PDE8A: variants seen among roughly 807,000 people sequenced by gnomAD.
The protein encoded by PDE8A is high affinity cAMP-specific and IBMX-insensitive 3',5'-cyclic phosphodiesterase 8A.
A neutral mutation model predicts 105.0 loss-of-function variants in PDE8A; 59 were observed. The observed-to-expected ratio is 0.56, with a 90% CI of 0.46 to 0.70. The LOEUF is 0.70. Among genes scored for constraint, PDE8A ranks in the 30% least tolerant of loss-of-function variants. The pLI is 0.00. For synonymous variants in PDE8A, 355 were observed against 371.9 expected, an observed-to-expected ratio of 0.95 and a Z score of 0.52; for missense variants, 1,014 against 1,045.9, an observed-to-expected ratio of 0.97 and a Z score of 0.42.
At chr15:85,057,527 A>G (rs907660357) in intron 1 of PDE8A, among the ~76,000 whole-genome samples, 5 of 152,048 alleles carry the variant, frequency 3.3e-5, no homozygotes, top group East Asian at 1.9e-4. Context: ...CTCATGCTCC[A>G]TGGGCTGCAC....
chr15:85,074,610 A>G (rs1480296147), intron 3 of PDE8A, among the ~76,000 whole-genome samples: 1 of 152,220 alleles, frequency 6.6e-6, no homozygotes, highest in African/African-American at 2.4e-5. Context: ...CCAGGAGGTC[A>G]AGACTGCAGT....
intron 18 of PDE8A, 150 bp from the exon 19 acceptor site, chr15:85,122,911 A>G (rs2082203508): frequency 2.5e-6 from 2 of 793,448 alleles, no homozygotes; most frequent in Admixed American, 2.5e-5. Flanking sequence ...CCTAACTTCC[A>G]TGTCTTTTTA....
chr15:85,059,871 G>T (rs2141439995), intron 1 of PDE8A, among the ~76,000 whole-genome samples: 1 of 152,250 alleles, frequency 6.6e-6, no homozygotes, highest in South Asian at 2.1e-4. Flanking sequence ...AACCAGATGA[G>T]GTGGCATATA....
chr15:84,982,301 G>A lies in PDE8A; in HGVS notation c.139G>A (p.Gly47Ser). Residue 47 changes from glycine to serine, a missense_variant, in exon 1 of 22, where the codon GGC (glycine) becomes AGC (serine). Coordinates refer to ENST00000394553, the MANE Select transcript of PDE8A (RefSeq NM_002605.3). ...QKTAALPRTR[G>S]AGLLESELRD... is the part of the protein sequence containing the mutation. ...GACGGCCGCCTTGCCCCGGACCCGC[G>A]GCGCCGGCCTCTTGGAGTCGGAGCT... The A allele has an allele frequency of 7.3e-7, 1 of 1,370,026 alleles. No individual in the cohort carries two copies. The highest frequency in any genetic ancestry group is 9.3e-7 in the Non-Finnish European group (1 of 1,071,114). The allele number at this position is 1,370,026 out of a possible 1,614,324, so 84.9% of individuals were successfully genotyped here.
At position 85,009,268 on chromosome 15, in the gene PDE8A, A is replaced by G. The variant is rs145939444; in HGVS notation, c.186+26920A>G. 2.8e-3 allele frequency among the ~76,000 whole-genome samples: 425 copies of G among 152,270 alleles called. 3 individuals are homozygous for G. The highest frequency in any genetic ancestry group is 5.8e-3 in the Admixed American group (89 of 15,296). On this transcript the variant is annotated intron_variant, in intron 1 of 21. Coordinates refer to ENST00000394553, the MANE Select transcript of PDE8A (RefSeq NM_002605.3). ...ATGGAGACAATTTTAGTTCTCTTCT[A>G]CCTGTTAATGTAAGAGATGTAAAAA...
At chr15:85,084,894 A>G (rs1361616557) in intron 6 of PDE8A, among the ~76,000 whole-genome samples, 3 of 151,094 alleles carry the variant, frequency 2.0e-5, no homozygotes, top group South Asian at 2.1e-4. Context: ...CCAGTCACTG[A>G]CCAAGTCCAA....
chr15:85,122,813 G>A (rs940352366), intron 18 of PDE8A, among the ~76,000 whole-genome samples: 1 of 152,152 alleles, frequency 6.6e-6, no homozygotes, highest in Non-Finnish European at 1.5e-5. Context: ...TCATTGACAA[G>A]ATAAACACTG....
chr15:84,994,267 C>T (rs933844868), intron 1 of PDE8A, among the ~76,000 whole-genome samples: 10 of 152,196 alleles, frequency 6.6e-5, no homozygotes, highest in African/African-American at 2.4e-4. Context: ...TTCCTTATCT[C>T]TTTGAGGATA....
At chr15:85,045,104 A>G (rs914511982) in intron 1 of PDE8A, among the ~76,000 whole-genome samples, 1 of 151,934 alleles carries the variant, frequency 6.6e-6, no homozygotes, top group Non-Finnish European at 1.5e-5. Flanking sequence ...CACCTCTTGC[A>G]TGGTTGGCTA....
chr15:85,046,149 T>C (rs2080884470), intron 1 of PDE8A, among the ~76,000 whole-genome samples: 1 of 148,038 alleles, frequency 6.8e-6, no homozygotes, highest in Admixed American at 6.8e-5. Context: ...CTCAGTGCAA[T>C]CTCTGCCTCC....
At chr15:85,006,995 A>G (rs988819719) in intron 1 of PDE8A, among the ~76,000 whole-genome samples, 2 of 152,152 alleles carry the variant, frequency 1.3e-5, no homozygotes, top group African/African-American at 4.8e-5. Flanking sequence ...GCATTTAATT[A>G]CCATTCTGCA....
At chr15:85,014,624 T>A (rs1433369857) in intron 1 of PDE8A, among the ~76,000 whole-genome samples, 1 of 152,204 alleles carries the variant, frequency 6.6e-6, no homozygotes, top group Non-Finnish European at 1.5e-5. Flanking sequence ...TTGCTCTTAT[T>A]ACCTATATTG....
At chr15:85,078,846 TGAGAG>T (rs1190118797) in intron 5 of PDE8A, among the ~76,000 whole-genome samples, 1 of 152,192 alleles carries the variant, frequency 6.6e-6, no homozygotes, top group African/African-American at 2.4e-5. Flanking sequence ...TCTAGTTTGA[TGAGAG>T]GATACAGGGA....
chr15:85,126,655 C>T (rs2082263423), intron 20 of PDE8A, among the ~76,000 whole-genome samples: 1 of 151,354 alleles, frequency 6.6e-6, no homozygotes, highest in South Asian at 2.1e-4. Context: ...CATATTCTTT[C>T]TGAGTAGAAA....
intron 1 of PDE8A, among the ~76,000 whole-genome samples, chr15:85,011,340 C>T (rs868079357): frequency 2.6e-5 from 4 of 152,130 alleles, no homozygotes; most frequent in Non-Finnish European, 1.5e-5. Context: ...TGTTAGAAGA[C>T]AGGTTTGGAG....
At chr15:85,058,579 A>G (rs904327182) in intron 1 of PDE8A, among the ~76,000 whole-genome samples, 8 of 152,110 alleles carry the variant, frequency 5.3e-5, no homozygotes, top group African/African-American at 1.9e-4. Context: ...CAGTCTCCTT[A>G]CTAGTAATAG....
chr15:84,996,846 A>AAAG (rs2079986537), intron 1 of PDE8A, among the ~76,000 whole-genome samples: 1 of 150,010 alleles, frequency 6.7e-6, no homozygotes, highest in African/African-American at 2.4e-5. Context: ...AAAAAAAAAA[A>AAAG]AAAAGGTGGT....
intron 1 of PDE8A, among the ~76,000 whole-genome samples, chr15:84,983,457 C>A (rs946442150): frequency 6.6e-6 from 1 of 152,212 alleles, no homozygotes; most frequent in Non-Finnish European, 1.5e-5. Flanking sequence ...TAGCAGTCGT[C>A]ATGATACTTT....
At chr15:85,096,184 T>A (rs1424050482) in intron 8 of PDE8A, among the ~76,000 whole-genome samples, 2 of 152,206 alleles carry the variant, frequency 1.3e-5, no homozygotes, top group Non-Finnish European at 2.9e-5. Flanking sequence ...CTGAATATAT[T>A]TTTTTAAATG....
Sources: allele counts gnomAD v4.1 joint callset (sites outside exome capture counted in the v4.1 genomes callset), GRCh38; gene constraint gnomAD v4.1.1; transcripts MANE v1.5; gene names NCBI Gene and HGNC (gene_info 2026-07-23, HGNC 2026-07-21).